Variants in XXYLT1 observed in about 807,000 individuals in gnomAD.
The protein encoded by XXYLT1 is UDP-xylose:alpha-xyloside alpha-1,3-xylosyltransferase.
In XXYLT1, 20 loss-of-function variants were observed where a neutral mutation model predicts 28.9. The ratio of observed to expected loss-of-function variants is 0.69; its 90% CI spans 0.49 to 1.00. The LOEUF (loss-of-function observed/expected upper bound fraction) is 1.00. Ranked by LOEUF, XXYLT1 falls within the 50% of genes least tolerant of loss-of-function variation. The pLI, the probability that XXYLT1 is intolerant of heterozygous loss-of-function variation, is 0.00. For synonymous variants in XXYLT1, 257 were observed against 253.8 expected (o/e 1.01, Z -0.12); for missense variants, 542 against 560.1 (o/e 0.97, Z 0.33).
At chr3:195,184,475 A>C (rs566284050) in intron 2 of XXYLT1, among the ~76,000 whole-genome samples, 3 of 152,358 alleles carry the variant, frequency 2.0e-5, no homozygotes, top group African/African-American at 7.2e-5. Flanking sequence ...TTAAACTGAA[A>C]CCATGATTAA....
intron 1 of XXYLT1, among the ~76,000 whole-genome samples, chr3:195,253,942 T>C (rs1357785180): frequency 6.6e-6 from 1 of 152,214 alleles, no homozygotes; most frequent in East Asian, 1.9e-4. Context: ...CCAATCACTC[T>C]TCCCTCAAGT....
chr3:195,132,560 T>C (rs1234574094), intron 3 of XXYLT1, among the ~76,000 whole-genome samples: 1 of 152,254 alleles, frequency 6.6e-6, no homozygotes, highest in Non-Finnish European at 1.5e-5. Flanking sequence ...TTACAAACTA[T>C]GTCTCTGTTC....
In XXYLT1 at chr3:195,240,312, T is replaced by C. The variant is rs1475841240; in HGVS notation, c.505-13456A>G. Reference sequence around the variant, plus strand: ...GGGAGGCTGAAGCATCCATCAGTCATGGCAGAGCCTGGTGCCAGGCAGAAG... The same window carrying C: ...GGGAGGCTGAAGCATCCATCAGTCACGGCAGAGCCTGGTGCCAGGCAGAAG... On this transcript the variant is annotated intron_variant, in intron 1 of 3. Coordinates refer to ENST00000310380, the MANE Select transcript of XXYLT1 (RefSeq NM_152531.5). This position sits in a 1 kb window ranked among gnomAD's most constrained non-coding sequence, Gnocchi z 4.7. 1.3e-5 allele frequency among the ~76,000 whole-genome samples: 2 copies of C among 152,216 alleles called. No homozygotes were observed. Among genetic ancestry groups the C allele is most frequent in the East Asian group, 3.9e-4 (2 of 5,188 alleles).
chr3:195,153,272 C>CA (rs1184209590), intron 3 of XXYLT1, among the ~76,000 whole-genome samples: 1 of 152,156 alleles, frequency 6.6e-6, no homozygotes. Flanking sequence ...TGAAAGAAGG[C>CA]AAAAAACATG....
At chr3:195,268,746 C>T (rs1025703680) in intron 1 of XXYLT1, among the ~76,000 whole-genome samples, 1 of 152,188 alleles carries the variant, frequency 6.6e-6, no homozygotes, top group Non-Finnish European at 1.5e-5. Flanking sequence ...TCATTTGCAG[C>T]TGCCTCCAGG....
At position 195,089,766 on chromosome 3, in the gene XXYLT1, T is replaced by C. The variant is rs1347399670; in HGVS notation, c.786-19655A>G. Among the ~76,000 whole-genome samples the C allele has an allele frequency of 3.3e-5, 5 of 150,914 alleles. No homozygotes were observed. In the South Asian group the frequency reaches 1.1e-3, roughly 32 times the overall value. On this transcript the variant is annotated intron_variant, in intron 3 of 3. Coordinates refer to ENST00000310380, the MANE Select transcript of XXYLT1 (RefSeq NM_152531.5). Reference sequence around the variant, plus strand: ...AAAGAGTCAAGACCCATCAGTGTGCTGTATTCAGGAAACCCATCTCACATG... The same window carrying C: ...AAAGAGTCAAGACCCATCAGTGTGCCGTATTCAGGAAACCCATCTCACATG...
intron 3 of XXYLT1, among the ~76,000 whole-genome samples, chr3:195,112,623 ACACACACACCCC>A (rs924322921): frequency 1.1e-5 from 1 of 95,050 alleles, no homozygotes; most frequent in Non-Finnish European, 2.8e-5. Context: ...ACACATGTGC[ACACACACACCCC>A]CATGCACACA....
chr3:195,129,390 A>C lies in XXYLT1; in HGVS notation c.785+27059T>G, dbSNP rs1193121519. On this transcript the variant is annotated intron_variant, in intron 3 of 3. Transcript: ENST00000310380. This position sits in a 1 kb window ranked among gnomAD's most constrained non-coding sequence, Gnocchi z 4.4. ...CTCAAAAAGAAATCTCGTACCCTTT[A>C]GCTATCGCTCCCCCAAAACTCCTGG... Among the ~76,000 whole-genome samples the C allele has an allele frequency of 2.6e-5, 4 of 152,210 alleles. No individual in the cohort carries two copies. Among genetic ancestry groups the C allele is most frequent in the African/African-American group, 4.8e-5 (2 of 41,450 alleles).
intron 3 of XXYLT1, among the ~76,000 whole-genome samples, chr3:195,119,287 C>CAAAAAAAAAAAA (rs11328657): frequency 9.1e-6 from 1 of 109,560 alleles, no homozygotes. Context: ...CCATCTCAAA[C>CAAAAAAAAAAAA]AAAAAAAAAA....
chr3:195,207,424 C>T (rs759428747), intron 2 of XXYLT1: 1 of 455,980 alleles, frequency 2.2e-6, no homozygotes, highest in South Asian at 1.6e-5. Flanking sequence ...ATTCTACTCA[C>T]CTTGGAAAGT....
At chr3:195,106,949 C>T (rs1355915072) in intron 3 of XXYLT1, among the ~76,000 whole-genome samples, 1 of 152,176 alleles carries the variant, frequency 6.6e-6, no homozygotes, top group Non-Finnish European at 1.5e-5. Flanking sequence ...GCCAAGCATC[C>T]CACAGACGAC....
intron 1 of XXYLT1, among the ~76,000 whole-genome samples, chr3:195,264,437 G>A (rs1030226081): frequency 6.6e-6 from 1 of 152,190 alleles, no homozygotes; most frequent in African/African-American, 2.4e-5. Context: ...CTTCCTTCAG[G>A]CTCTGCACAA....
At chr3:195,237,027 G>C (rs2095968) in intron 1 of XXYLT1, among the ~76,000 whole-genome samples, 8,340 of 152,146 alleles carry the variant, frequency 0.055, 774 homozygotes, top group African/African-American at 0.19. Context: ...GGTCTCTTTT[G>C]GAGCTGTGAG....
intron 1 of XXYLT1, among the ~76,000 whole-genome samples, chr3:195,228,961 C>A (rs1724185069): frequency 6.6e-6 from 1 of 151,890 alleles, no homozygotes; most frequent in African/African-American, 2.4e-5. Context: ...TACAGGCGCC[C>A]ACCACCATGC....
chr3:195,221,097 G>A (rs573250673), intron 2 of XXYLT1, among the ~76,000 whole-genome samples: 35 of 152,172 alleles, frequency 2.3e-4, no homozygotes, highest in African/African-American at 7.9e-4. Flanking sequence ...CCAAAAACCC[G>A]TAACCTCAGT....
intron 1 of XXYLT1, among the ~76,000 whole-genome samples, chr3:195,230,691 G>C (rs1724264249): frequency 6.6e-6 from 1 of 152,124 alleles, no homozygotes; most frequent in Non-Finnish European, 1.5e-5. Flanking sequence ...GTTCATTGTA[G>C]ATGTATGGAT....
chr3:195,100,957 A>G (rs1716742763), intron 3 of XXYLT1, among the ~76,000 whole-genome samples: 1 of 152,264 alleles, frequency 6.6e-6, no homozygotes. Flanking sequence ...AGACAGGTAT[A>G]CTTTCACTGT....
At chr3:195,237,994 G>A (rs1724624813) in intron 1 of XXYLT1, among the ~76,000 whole-genome samples, 1 of 151,964 alleles carries the variant, frequency 6.6e-6, no homozygotes. Flanking sequence ...GCCCCATTCT[G>A]TTATACCTCC....
At chr3:195,109,546 G>C (rs1560099558) in intron 3 of XXYLT1, among the ~76,000 whole-genome samples, 1 of 88,018 alleles carries the variant, frequency 1.1e-5, no homozygotes, top group East Asian at 2.4e-4. Context: ...CATGTGTAGG[G>C]GGTGTGTGTG....
Sources: allele counts gnomAD v4.1 joint callset (sites outside exome capture counted in the v4.1 genomes callset), GRCh38; gene constraint gnomAD v4.1.1; non-coding constraint Gnocchi (gnomAD v3.1); transcripts MANE v1.5; gene names NCBI Gene and HGNC (gene_info 2026-07-23, HGNC 2026-07-21).